ASRGL1: variants seen among roughly 807,000 people sequenced by gnomAD.
ASRGL1 encodes the protein isoaspartyl peptidase/L-asparaginase.
Under a neutral mutation model 22.4 loss-of-function variants are expected in ASRGL1, and 16 were observed. That is an observed-to-expected ratio of 0.71 (90% CI 0.48 to 1.08). The LOEUF (loss-of-function observed/expected upper bound fraction) is 1.08, where lower values mean the gene tolerates loss of function less well. Among genes scored for constraint, ASRGL1 ranks in the 50% least tolerant of loss-of-function variants. ASRGL1 has a pLI of 0.00. For synonymous variants in ASRGL1, 165 were observed against 159.3 expected (o/e 1.04, Z -0.27); for missense variants, 412 against 410.1 (o/e 1.00, Z -0.04).
At chr11:62,349,334 A>G (rs1328436875) in intron 2 of ASRGL1, among the ~76,000 whole-genome samples, 1 of 152,192 alleles carries the variant, frequency 6.6e-6, no homozygotes, top group Admixed American at 6.5e-5. Flanking sequence ...CCTTTTAACT[A>G]TAGCCTAAAT....
At chr11:62,391,411 G>C in intron 5 of ASRGL1, 111 bp from the exon 6 acceptor site, 2 of 1,424,698 alleles carry the variant, frequency 1.4e-6, no homozygotes. Flanking sequence ...CCTGACCTTT[G>C]TCGGTACTTG....
chr11:62,338,931 T>TTAAAAA (rs1945797653), intron 2 of ASRGL1, among the ~76,000 whole-genome samples: 1 of 2,816 alleles, frequency 3.6e-4, no homozygotes, highest in Non-Finnish European at 9.6e-4. Flanking sequence ...CGAGACTATC[T>TTAAAAA]CAAAAAAAAA....
intron 4 of ASRGL1, chr11:62,373,038 G>T (rs1946816435): frequency 7.3e-7 from 1 of 1,376,320 alleles, no homozygotes; most frequent in African/African-American, 1.4e-5. Context: ...AGCCCAGGAG[G>T]TGAAGACTCT....
chr11:62,372,862 TG>T, intron 4 of ASRGL1: 1 of 1,603,276 alleles, frequency 6.2e-7, no homozygotes, highest in Non-Finnish European at 8.5e-7. Context: ...GAATCTACCA[TG>T]TACCCAAAAG....
chr11:62,373,106 A>G, intron 4 of ASRGL1: 1 of 1,466,456 alleles, frequency 6.8e-7, no homozygotes, highest in Non-Finnish European at 9.6e-7. Context: ...TGGTGATAGC[A>G]AGAGATGAAA....
At chr11:62,366,703 A>G (rs900472666) in intron 4 of ASRGL1, among the ~76,000 whole-genome samples, 2 of 151,142 alleles carry the variant, frequency 1.3e-5, no homozygotes, top group Non-Finnish European at 3.0e-5. Flanking sequence ...GATAGATGGG[A>G]TTTCTCTATG....
chr11:62,364,158 CAAAAA>C (rs71053048), intron 4 of ASRGL1, among the ~76,000 whole-genome samples: 33 of 93,514 alleles, frequency 3.5e-4, no homozygotes, highest in Non-Finnish European at 3.3e-4. Flanking sequence ...GAGTCCGTCT[CAAAAA>C]AAAAAAAAAA....
At chr11:62,343,918 C>CTTTTTTTT (rs34446979) in intron 2 of ASRGL1, among the ~76,000 whole-genome samples, 88 of 100,668 alleles carry the variant, frequency 8.7e-4, no homozygotes, top group Non-Finnish European at 1.2e-3. Flanking sequence ...TCATGCATTT[C>CTTTTTTTT]TTTTTTTTTT....
chr11:62,367,372 G>A (rs114157525), intron 4 of ASRGL1, among the ~76,000 whole-genome samples: 2,553 of 150,274 alleles, frequency 0.017, 87 homozygotes, highest in African/African-American at 0.059. Context: ...AGGGCTAGGC[G>A]CAGTGGTTCA....
intron 4 of ASRGL1, chr11:62,372,368 C>A: frequency 6.4e-7 from 1 of 1,563,178 alleles, no homozygotes; most frequent in Non-Finnish European, 8.8e-7. Flanking sequence ...TGTACAACAG[C>A]CTGCCAATTA....
chr11:62,355,653 T>C (rs1373742193), intron 2 of ASRGL1, among the ~76,000 whole-genome samples: 1 of 151,246 alleles, frequency 6.6e-6, no homozygotes, highest in Admixed American at 6.6e-5. Context: ...TGATCATTCT[T>C]GGGTGTTTCT....
chr11:62,349,587 T>C (rs1021452267), intron 2 of ASRGL1, among the ~76,000 whole-genome samples: 16 of 152,216 alleles, frequency 1.1e-4, no homozygotes, highest in African/African-American at 3.9e-4. Flanking sequence ...TAGCAATCAC[T>C]ATCTCTTTCT....
rs1008901112 is a variant in ASRGL1 at position 62,338,328 on chromosome 11, A to G, written c.190+161A>G. ...TAATTTTTCTACCTGTGCTGAAAAG[A>G]GTCAAACGCTAAAATATTTGTAGAG... On this transcript the variant is annotated intron_variant, in intron 2 of 6. Transcript: ENST00000415229. The G allele has an allele frequency of 3.8e-6, 3 of 799,990 alleles. No individual in the cohort carries two copies. In the African/African-American group the frequency reaches 5.3e-5, roughly 14 times the overall value. The allele number at this position is 799,990 out of a possible 1,614,324, so 49.6% of individuals were successfully genotyped here.
chr11:62,354,752 G>C (rs1206452189), intron 2 of ASRGL1, among the ~76,000 whole-genome samples: 1 of 152,154 alleles, frequency 6.6e-6, no homozygotes, highest in Non-Finnish European at 1.5e-5. Context: ...TTGGGGCCAT[G>C]GTTGACTGAG....
chr11:62,376,474 C>T (rs777872429), intron 4 of ASRGL1, among the ~76,000 whole-genome samples: 2 of 152,142 alleles, frequency 1.3e-5, no homozygotes, highest in Non-Finnish European at 2.9e-5. Flanking sequence ...CCCTATTTCC[C>T]ATGTCTTATT....
At chr11:62,394,315 A>G (rs575010942), downstream of ASRGL1, among the ~76,000 whole-genome samples, 9 of 140,406 alleles carry the variant, frequency 6.4e-5, no homozygotes, top group South Asian at 2.0e-3. Context: ...ATAAAAATAT[A>G]TGATATATAA....
At chr11:62,350,871 T>C (rs1946151598) in intron 2 of ASRGL1, among the ~76,000 whole-genome samples, 1 of 152,258 alleles carries the variant, frequency 6.6e-6, no homozygotes. Context: ...TTACATGTTA[T>C]ATAATTACTG....
At chr11:62,396,363 C>T (rs887249674), downstream of ASRGL1, among the ~76,000 whole-genome samples, 1 of 152,068 alleles carries the variant, frequency 6.6e-6, no homozygotes. Flanking sequence ...TCCACACCCC[C>T]ACAAAGAGCT....
At chr11:62,386,519 G>C (rs116123920) in intron 4 of ASRGL1, among the ~76,000 whole-genome samples, 697 of 69,036 alleles carry the variant, frequency 0.01, 10 homozygotes, top group African/African-American at 0.022. Context: ...TAGGGGGAAA[G>C]ATAGTGTTTA....
Sources: gnomAD v4.1 joint callset for allele counts (sites outside exome capture counted in the v4.1 genomes callset) on GRCh38, gnomAD v4.1.1 for gene constraint, MANE v1.5 for transcripts, NCBI Gene and HGNC (gene_info 2026-07-23, HGNC 2026-07-21) for gene names.